Variants in MFSD2A observed in about 807,000 individuals in gnomAD.
The protein encoded by MFSD2A is sodium-dependent lysophosphatidylcholine symporter 1.
MFSD2A carries 27 observed loss-of-function variants against 64.7 expected under a neutral mutation model. The ratio of observed to expected loss-of-function variants is 0.42; its 90% confidence interval spans 0.31 to 0.58. MFSD2A has a LOEUF of 0.58. Among genes scored for constraint, MFSD2A ranks in the 20% least tolerant of loss-of-function variants. The pLI is 0.18. For synonymous variants in MFSD2A, 258 were observed against 273.4 expected, an observed-to-expected ratio of 0.94 and a Z score of 0.55; for missense variants, 474 against 679.5, an observed-to-expected ratio of 0.70 and a Z score of 3.36.
chr1:39,958,513 C>A lies in MFSD2A; in HGVS notation c.229-188C>A. On this transcript the variant is annotated intron_variant, in intron 2 of 13. Transcript: ENST00000372811. This position sits in a 1 kb window ranked among gnomAD's most constrained non-coding sequence, Gnocchi z 4.7. ...GCTTCTAAGGAGGCACCCAGTGCTACTGTTATTGGAGAAATGCTATTGTCA... is the reference window on the plus strand; with the variant it reads ...GCTTCTAAGGAGGCACCCAGTGCTAATGTTATTGGAGAAATGCTATTGTCA... 1 of 858,934 alleles carries A rather than the reference C, an allele frequency of 1.2e-6. No individual in the cohort carries two copies. The highest frequency in any genetic ancestry group is 1.8e-6 in the Non-Finnish European group (1 of 541,026). The allele number at this position is 858,934 out of a possible 1,614,324, so 53.2% of individuals were successfully genotyped here.
At chr1:39,957,256 A>G (rs1644950959) in intron 2 of MFSD2A, 35 bp downstream of exon 2, 2 of 1,514,224 alleles carry the variant, frequency 1.3e-6, no homozygotes, top group Non-Finnish European at 1.8e-6. Context: ...CTCCTTCAGC[A>G]TCCTGAGGTG....
At chr1:39,957,023 CT>C in intron 1 of MFSD2A, 63 bp from the exon 2 acceptor site, 1 of 1,574,396 alleles carries the variant, frequency 6.4e-7, no homozygotes, top group Non-Finnish European at 8.7e-7. Context: ...ATGGTCCTTC[CT>C]GTGGAACCTT....
rs1645120462 is a variant in MFSD2A, at chr1:39,964,769, T to C, written c.354-442T>C. On this transcript the variant is annotated intron_variant, in intron 3 of 13. Transcript: ENST00000372811. This position sits in a 1 kb window ranked among gnomAD's most constrained non-coding sequence, Gnocchi z 4.1. ...GAGGTGTGTGTGAATGGGGTGTGTG[T>C]GTGTGTGAATGAGGTGTGTGTGTGA... The C allele has an allele frequency of 5.1e-6, 1 of 196,752 alleles. No homozygotes were observed. The highest frequency in any genetic ancestry group is 1.1e-5 in the Non-Finnish European group (1 of 94,754). The allele number at this position is 196,752 out of a possible 1,614,324, so 12.2% of individuals were successfully genotyped here.
In MFSD2A at chr1:39,958,791, T is replaced by C; in HGVS notation, c.319T>C (p.Ser107Pro). ...DPLVGLCISK[S>P]PWTCLGRLMP... ...CCTGGTGGGCCTCTGCATCAGCAAA[T>C]CCCCCTGGACCTGCCTGGGTCGCCT... Residue 107 changes from serine (S) to proline (P), a missense_variant, in exon 3 of 14, where the codon TCC becomes CCC. Transcript: ENST00000372811. This position sits in a 1 kb window ranked among gnomAD's most constrained non-coding sequence, Gnocchi z 4.7. 1 of 1,613,518 alleles carries C rather than the reference T, an allele frequency of 6.2e-7. No individual in the cohort carries two copies. The highest frequency in any genetic ancestry group is 8.5e-7 in the Non-Finnish European group (1 of 1,179,722).
At chr1:39,956,162 C>T (rs1644923506) in intron 1 of MFSD2A, among the ~76,000 whole-genome samples, 1 of 152,232 alleles carries the variant, frequency 6.6e-6, no homozygotes, top group South Asian at 2.1e-4. Flanking sequence ...GGAGAGGGAT[C>T]AGGCCTGAAC....
chr1:39,961,363 G>C (rs1171428058), intron 3 of MFSD2A, among the ~76,000 whole-genome samples: 1 of 113,938 alleles, frequency 8.8e-6, no homozygotes, highest in Non-Finnish European at 1.6e-5. Flanking sequence ...TTGTTTGTTT[G>C]TTTGAGACAG....
chr1:39,956,972 T>G, intron 1 of MFSD2A, 115 bp from the exon 2 acceptor site: 4 of 638,496 alleles, frequency 6.3e-6, no homozygotes, highest in Middle Eastern at 5.0e-4. Flanking sequence ...TAGGAACAGG[T>G]CAAAGCAGAG....
Position 39,964,333 on chromosome 1 carries a change from C to G in MFSD2A, c.354-878C>G, listed in dbSNP as rs370645592. On this transcript the variant is annotated intron_variant, in intron 3 of 13. Transcript: ENST00000372811. The surrounding 1 kb of genome is among the most constrained non-coding windows in gnomAD (Gnocchi z 4.1). The stretch of plus-strand genomic sequence containing the variant: ...CTAAGTAATTAGAATAGCGCCCAGC[C>G]CATAGCTGGAACTTATGAGGAAATG... 18 of 152,186 alleles carry G rather than the reference C, an allele frequency of 1.2e-4. No individual in the cohort carries two copies. Among genetic ancestry groups the G allele is most frequent in the African/African-American group, 3.9e-4 (16 of 41,434 alleles). The allele number at this position is 152,186 out of a possible 1,614,324, so 9.4% of individuals were successfully genotyped here.
rs74067889 is a variant in MFSD2A, at chr1:39,969,010, G to T, written c.1529+265G>T. 7.7e-3 allele frequency among the ~76,000 whole-genome samples: 1,173 copies of T among 152,284 alleles called. 22 individuals carry two copies. The highest frequency in any genetic ancestry group is 0.027 in the African/African-American group (1,125 of 41,556). On this transcript the variant is annotated intron_variant, in intron 13 of 13. Coordinates refer to ENST00000372811, the MANE Select transcript of MFSD2A (RefSeq NM_032793.5). The stretch of plus-strand genomic sequence containing the variant: ...GTCCTTAAGGAGCCTGTTATAGGAC[G>T]TGTGTATCCATCACCTCCCATACCC...
intron 1 of MFSD2A, among the ~76,000 whole-genome samples, chr1:39,956,268 C>T (rs1368949587): frequency 2.0e-5 from 3 of 152,158 alleles, no homozygotes; most frequent in East Asian, 3.9e-4. Flanking sequence ...TTCCTGGGTC[C>T]GCCTGAAGCT....
In MFSD2A at chr1:39,968,047, G is replaced by A; in HGVS notation, c.1208+131G>A. ...GTGGGTCCAGGTTAGGAGTGGGGGAGGTCTGTCCTGTACAGTTGTACAGGT... is the reference window on the plus strand; with the variant it reads ...GTGGGTCCAGGTTAGGAGTGGGGGAAGTCTGTCCTGTACAGTTGTACAGGT... On this transcript the variant is annotated intron_variant, in intron 11 of 13. Coordinates refer to ENST00000372811, the MANE Select transcript of MFSD2A (RefSeq NM_032793.5). The surrounding 1 kb of genome is among the most constrained non-coding windows in gnomAD (Gnocchi z 4.4). 3 of 652,618 alleles carry A rather than the reference G, an allele frequency of 4.6e-6. No individual in the cohort carries two copies. In the South Asian group the frequency reaches 5.7e-5, roughly 13 times the overall value. The allele number at this position is 652,618 out of a possible 1,614,324, so 40.4% of individuals were successfully genotyped here. A position where few individuals can be genotyped will look rare whatever the true frequency, so the allele number is the denominator to read the frequency against.
Position 39,965,774 on chromosome 1 carries a change from G to A in MFSD2A, c.557-83G>A, listed in dbSNP as rs1177818226. 1.1e-5 allele frequency: 17 copies of A among 1,557,656 alleles called. No homozygotes were observed. The highest frequency in any genetic ancestry group is 8.8e-6 in the Non-Finnish European group (10 of 1,140,102). ...TCTACCCACCCTGCCTGGAGCTACC[G>A]CTGGGCTCCCACCCATTTGACCTTC... On this transcript the variant is annotated intron_variant, in intron 5 of 13. Coordinates refer to ENST00000372811, the MANE Select transcript of MFSD2A (RefSeq NM_032793.5). The surrounding 1 kb of genome is among the most constrained non-coding windows in gnomAD (Gnocchi z 5.5).
chr1:39,958,859 G>A lies in MFSD2A; in HGVS notation c.353+34G>A. 2 of 1,553,762 alleles carry A rather than the reference G, an allele frequency of 1.3e-6. No individual in the cohort carries two copies. Among genetic ancestry groups the A allele is most frequent in the African/African-American group, 1.4e-5 (1 of 73,106 alleles). On this transcript the variant is annotated intron_variant, in intron 3 of 13. Transcript: ENST00000372811. The surrounding 1 kb of genome is among the most constrained non-coding windows in gnomAD (Gnocchi z 4.7). ...AATATGCCCCTTCGAGGTGGCACAA[G>A]GCAGGACTTCCAGCATATCTGCTCC...
rs41301060 is a variant in MFSD2A at position 39,966,487 on chromosome 1, C to T, written c.715-114C>T. The T allele has an allele frequency of 6.4e-3, 5,241 of 815,730 alleles. 34 individuals are homozygous for T. The highest frequency in any genetic ancestry group is 8.3e-3 in the Non-Finnish European group (4,107 of 492,358). 50.5% of individuals were successfully genotyped at this position (815,730 alleles called of 1,614,324 possible). On this transcript the variant is annotated intron_variant, in intron 6 of 13. Coordinates refer to ENST00000372811, the MANE Select transcript of MFSD2A (RefSeq NM_032793.5). ...TCCCATTTCACACATGGAGACAGTACGCTCCCAGAGGGGAGGGGACTGGCC... is the reference window on the plus strand; with the variant it reads ...TCCCATTTCACACATGGAGACAGTATGCTCCCAGAGGGGAGGGGACTGGCC...
chr1:39,957,248 C>A (rs1557628871), intron 2 of MFSD2A, 27 bp downstream of exon 2: 1 of 1,516,192 alleles, frequency 6.6e-7, no homozygotes, highest in Non-Finnish European at 8.8e-7. Flanking sequence ...TTCGAGGGCT[C>A]CTTCAGCATC....
chr1:39,967,967 A>C (rs1645200586), intron 11 of MFSD2A, 51 bp downstream of exon 11: 1 of 1,184,552 alleles, frequency 8.4e-7, no homozygotes, highest in African/African-American at 1.5e-5. Flanking sequence ...CCTAGTCCCC[A>C]GTTTTGAAGC....
rs1274904537 is a variant in MFSD2A at position 39,960,033 on chromosome 1, G to A, written c.353+1208G>A. ...AGGGGATGGGGTAATACCCGGAATG[G>A]GGTAGCAAACCCATAACCTTTGGCA... On this transcript the variant is annotated intron_variant, in intron 3 of 13. Coordinates refer to ENST00000372811, the MANE Select transcript of MFSD2A (RefSeq NM_032793.5). The surrounding 1 kb of genome is among the most constrained non-coding windows in gnomAD (Gnocchi z 4.8). 1.3e-5 allele frequency among the ~76,000 whole-genome samples: 2 copies of A among 152,216 alleles called. No homozygotes were observed. Among genetic ancestry groups the A allele is most frequent in the African/African-American group, 4.8e-5 (2 of 41,458 alleles).
chr1:39,965,374 G>A lies in MFSD2A; in HGVS notation c.477+40G>A, dbSNP rs768300012. On this transcript the variant is annotated intron_variant, in intron 4 of 13. Coordinates refer to ENST00000372811, the MANE Select transcript of MFSD2A (RefSeq NM_032793.5). The surrounding 1 kb of genome is among the most constrained non-coding windows in gnomAD (Gnocchi z 5.5). ...CTCCCTTGGGTGTCTCTAGGGGCCG[G>A]GAGGAGGGCGGTCCTTGGGGCCCCC... 4 of 1,613,642 alleles carry A rather than the reference G, an allele frequency of 2.5e-6. No individual in the cohort carries two copies. Among genetic ancestry groups the A allele is most frequent in the Non-Finnish European group, 1.7e-6 (2 of 1,179,784 alleles).
At position 39,967,693 on chromosome 1, in the gene MFSD2A, T is replaced by C; in HGVS notation, c.1077T>C (p.Ala359=). 3 of 1,614,158 alleles carry C rather than the reference T, an allele frequency of 1.9e-6. No individual in the cohort carries two copies. The highest frequency in any genetic ancestry group is 2.5e-6 in the Non-Finnish European group (3 of 1,180,016). Residue 359 remains alanine, a synonymous_variant, in exon 10 of 14, where the codon GCT becomes GCC. Transcript: ENST00000372811. ...TGACCCGGTTTGGCAAGAAGACAGC[T>C]GTATATGTTGGGATCTCAGTGAGTG... ...WFLTRFGKKT[A]VYVGISSAVP...
Sources: gnomAD v4.1 joint callset for allele counts (sites outside exome capture counted in the v4.1 genomes callset) on GRCh38, gnomAD v4.1.1 for gene constraint, Gnocchi (gnomAD v3.1) non-coding constraint, MANE v1.5 for transcripts, NCBI Gene and HGNC (gene_info 2026-07-23, HGNC 2026-07-21) for gene names.